The following ROBO2 variants were observed in gnomAD, a reference collection of about 807,000 sequenced individuals.
ROBO2 encodes the protein roundabout homolog 2.
Under a neutral mutation model 160.8 loss-of-function variants are expected in ROBO2, and 53 were observed. That is an observed-to-expected ratio of 0.33 (90% confidence interval 0.26 to 0.41). The LOEUF is 0.41. ROBO2 is among the 10% of genes least tolerant of loss of function. ROBO2 has a pLI of 1.00. For missense variants in ROBO2, 1,577 were observed against 1,722.4 expected, an observed-to-expected ratio of 0.92 and a Z score of 1.49; for synonymous variants, 664 against 611.7, an observed-to-expected ratio of 1.09 and a Z score of -1.26.
rs1409476884 is a variant in ROBO2, at chr3:77,294,006, A to G, written c.389-183408A>G. Among the ~76,000 whole-genome samples, 300 of 131,900 alleles carry G rather than the reference A, an allele frequency of 2.3e-3. 5 individuals carry two copies. Among genetic ancestry groups the G allele is most frequent in the African/African-American group, 8.2e-3 (266 of 32,378 alleles). 86.5% of individuals were successfully genotyped at this position (131,900 alleles called of 152,430 possible). A position where few individuals can be genotyped will look rare whatever the true frequency, so the allele number is the denominator to read the frequency against. On this transcript the variant is annotated intron_variant, in intron 2 of 25. Transcript: ENST00000461745. ...GTAAAATTGACGGTTAAACGGGTAC[A>G]CTGAGGCTAGATCACCCAGACATAA...
chr3:76,159,515 TAA>T (rs2072537791), intron 2 of ROBO2, among the ~76,000 whole-genome samples: 1 of 152,184 alleles, frequency 6.6e-6, no homozygotes, highest in African/African-American at 2.4e-5. Context: ...GACAGAAGGT[TAA>T]GAGTTTTATT....
intron 2 of ROBO2, among the ~76,000 whole-genome samples, chr3:76,526,491 A>C (rs78353170): frequency 0.016 from 2,418 of 151,990 alleles, 61 homozygotes; most frequent in African/African-American, 0.054. Context: ...TGTTTTGTTT[A>C]ATTTTGTTTT....
chr3:77,345,508 T>C (rs2067535399), intron 2 of ROBO2, among the ~76,000 whole-genome samples: 3 of 152,226 alleles, frequency 2.0e-5, no homozygotes, highest in African/African-American at 7.2e-5. Context: ...ATTAAACAAA[T>C]AATCTTGACA....
Position 76,137,319 on chromosome 3 carries a change from C to G in ROBO2, c.109+199717C>G, listed in dbSNP as rs180864807. Among the ~76,000 whole-genome samples the G allele has an allele frequency of 1.5e-3, 233 of 152,080 alleles. 4 individuals carry two copies. In the East Asian group the frequency reaches 0.044, roughly 29 times the overall value. On this transcript the variant is annotated intron_variant, in intron 2 of 26. Coordinates refer to the ROBO2 transcript ENST00000487694. ...GTTTTCGTAGTGGTATTTCCATTTA[C>G]AAAATGTAGTAATTCTTGGTTGCCG...
upstream of ROBO2, among the ~76,000 whole-genome samples, chr3:77,035,603 TA>T (rs547519003): frequency 2.5e-3 from 380 of 152,090 alleles, 5 homozygotes; most frequent in African/African-American, 8.4e-3. Flanking sequence ...ATGCTATTCA[TA>T]AATAGCTACA....
intron 2 of ROBO2, among the ~76,000 whole-genome samples, chr3:77,308,452 G>A (rs925782036): frequency 6.6e-6 from 1 of 152,130 alleles, no homozygotes; most frequent in Non-Finnish European, 1.5e-5. Flanking sequence ...TAAGTGGCCT[G>A]GGACTCCCAA....
intron 2 of ROBO2, among the ~76,000 whole-genome samples, chr3:77,185,213 G>A (rs549276229): frequency 6.6e-6 from 1 of 152,122 alleles, no homozygotes; most frequent in South Asian, 2.1e-4. Context: ...GTGATCTGCT[G>A]TTGGAAATAT....
intron 2 of ROBO2, among the ~76,000 whole-genome samples, chr3:76,593,725 A>G (rs947336079): frequency 1.3e-5 from 2 of 152,108 alleles, no homozygotes; most frequent in African/African-American, 2.4e-5. Flanking sequence ...AACATGAATT[A>G]GAGAATTTAA....
rs1229325846 is a variant in ROBO2, at chr3:77,248,989, T to C, written c.388+150649T>C. Among the ~76,000 whole-genome samples the C allele has an allele frequency of 2.0e-5, 3 of 152,148 alleles. No homozygotes were observed. In the East Asian group the frequency reaches 5.8e-4, roughly 29 times the overall value. On this transcript the variant is annotated intron_variant, in intron 2 of 25. Coordinates refer to ENST00000461745, the Ensembl canonical transcript of ROBO2. ...ACCGCCCGGGTTCAAGCGATCCTCC[T>C]GCCTCAGCCTCCCGAGTAGCTGGGA... is the stretch of plus-strand genomic sequence containing the variant.
rs755369361 is a variant in ROBO2, at chr3:76,779,647, A to G, written c.110-318367A>G. Among the ~76,000 whole-genome samples the G allele has an allele frequency of 2.0e-5, 3 of 151,022 alleles. 1 individual carries two copies. The highest frequency in any genetic ancestry group is 4.5e-5 in the Non-Finnish European group (3 of 67,326). ...TTATTTCACTTGGCATAATGTCCTC[A>G]GGGTTCATGAGATATGTTGTCACTG... On this transcript the variant is annotated intron_variant, in intron 2 of 26. Transcript: ENST00000487694.
At chr3:76,474,783 A>G (rs565547197) in intron 2 of ROBO2, among the ~76,000 whole-genome samples, 9 of 152,242 alleles carry the variant, frequency 5.9e-5, no homozygotes, top group African/African-American at 2.2e-4. Flanking sequence ...CTCCACAGGT[A>G]TCAGCTGGGC....
chr3:76,217,489 C>T (rs11918197), intron 2 of ROBO2, among the ~76,000 whole-genome samples: 1,890 of 152,106 alleles, frequency 0.012, 51 homozygotes, highest in African/African-American at 0.043. Flanking sequence ...ATATCACCAC[C>T]GATCCCACAG....
intron 2 of ROBO2, among the ~76,000 whole-genome samples, chr3:76,588,166 C>T (rs1221801433): frequency 6.6e-6 from 1 of 152,152 alleles, no homozygotes; most frequent in East Asian, 1.9e-4. Context: ...TCTCAAGATC[C>T]TATTAACTTT....
chr3:77,117,771 C>A (rs1193212722), intron 2 of ROBO2, among the ~76,000 whole-genome samples: 1 of 152,088 alleles, frequency 6.6e-6, no homozygotes. Context: ...ATGTGATTAT[C>A]CCTAAGGCTT....
intron 2 of ROBO2, among the ~76,000 whole-genome samples, chr3:76,420,044 A>G (rs886231097): frequency 1.3e-5 from 2 of 152,192 alleles, no homozygotes; most frequent in African/African-American, 4.8e-5. Flanking sequence ...ATCACAGGTA[A>G]TATGATAATT....
At chr3:77,228,738 A>T (rs1199732433) in intron 2 of ROBO2, among the ~76,000 whole-genome samples, 1 of 151,704 alleles carries the variant, frequency 6.6e-6, no homozygotes, top group Non-Finnish European at 1.5e-5. Context: ...AAGTATAATA[A>T]TAAAAAAAAA....
chr3:76,587,222 C>A (rs963321757), intron 2 of ROBO2, among the ~76,000 whole-genome samples: 3 of 152,176 alleles, frequency 2.0e-5, no homozygotes, highest in Admixed American at 6.5e-5. Flanking sequence ...GTTTTTATTG[C>A]TTTTTCTCCA....
intron 2 of ROBO2, among the ~76,000 whole-genome samples, chr3:76,533,331 C>A (rs1186143572): frequency 6.6e-6 from 1 of 152,146 alleles, no homozygotes; most frequent in Non-Finnish European, 1.5e-5. Context: ...GCTCAGCATA[C>A]CTGTGCCATT....
At chr3:76,825,642 A>AT (rs977100177) in intron 2 of ROBO2, among the ~76,000 whole-genome samples, 2 of 141,026 alleles carry the variant, frequency 1.4e-5, no homozygotes, top group African/African-American at 2.6e-5. Flanking sequence ...ATGAAGATGC[A>AT]TTTTTTTCCC....
Sources: allele counts gnomAD v4.1 joint callset (sites outside exome capture counted in the v4.1 genomes callset), GRCh38; gene constraint gnomAD v4.1.1; transcripts MANE v1.5; gene names NCBI Gene and HGNC (gene_info 2026-07-23, HGNC 2026-07-21).